Variants in ANKRD11 observed in about 807,000 individuals in gnomAD.
ANKRD11 encodes ankyrin repeat domain-containing protein 11.
ANKRD11 carries 17 observed loss-of-function variants against 195.7 expected under a neutral mutation model. The ratio of observed to expected loss-of-function variants is 0.09; its 90% CI spans 0.06 to 0.13. ANKRD11 has a LOEUF of 0.13. Ranked by LOEUF, ANKRD11 falls within the 10% of genes least tolerant of loss-of-function variation. The pLI, the probability that ANKRD11 is intolerant of heterozygous loss-of-function variation, is 1.00. For missense variants in ANKRD11, 3,735 were observed against 3,566.1 expected, an observed-to-expected ratio of 1.05 and a Z score of -1.21; for synonymous variants, 1,953 against 1,528.1, an observed-to-expected ratio of 1.28 and a Z score of -6.49.
At chr16:89,318,001 G>A (rs1019962977) in intron 2 of ANKRD11, among the ~76,000 whole-genome samples, 2 of 152,254 alleles carry the variant, frequency 1.3e-5, no homozygotes, top group East Asian at 1.9e-4. Context: ...AGAACTTTCC[G>A]AAGCAGCCAC....
intron 1 of ANKRD11, among the ~76,000 whole-genome samples, chr16:89,439,802 G>T (rs1402890964): frequency 6.6e-6 from 1 of 152,128 alleles, no homozygotes; most frequent in Non-Finnish European, 1.5e-5. Flanking sequence ...GAACTCTGTG[G>T]AACGTTTTCA....
Position 89,279,772 on chromosome 16 carries a change from C to A in ANKRD11, c.6770G>T (p.Gly2257Val). The A allele has an allele frequency of 3.3e-6, 5 of 1,529,410 alleles. No individual in the cohort carries two copies. The highest frequency in any genetic ancestry group is 4.4e-6 in the Non-Finnish European group (5 of 1,141,644). The allele number at this position is 1,529,410 out of a possible 1,614,324, so 94.7% of individuals were successfully genotyped here. Residue 2257 changes from glycine (G) to valine (V), a missense_variant, in exon 9 of 13, where the codon GGG becomes GTG. By Grantham distance (109) the Gly-to-Val change is moderately radical (BLOSUM62 -3). Coordinates refer to ENST00000301030, the MANE Select transcript of ANKRD11 (RefSeq NM_013275.6). The surrounding 1 kb of genome is among the most constrained non-coding windows in gnomAD (Gnocchi z 5.6). The part of the protein sequence containing the change: ...EQRPLGSGDQ[G>V]AEAEGPPAAS... ...GGCGGGGGGGCCTTCAGCCTCAGCC[C>A]CCTGGTCTCCGCTCCCCAGTGGGCG...
intron 2 of ANKRD11, among the ~76,000 whole-genome samples, chr16:89,322,683 T>C (rs1467008431): frequency 7.9e-6 from 1 of 126,342 alleles, no homozygotes; most frequent in Admixed American, 8.0e-5. Flanking sequence ...CTGGGGAGGG[T>C]GGGGAAGGGG....
intron 1 of ANKRD11, among the ~76,000 whole-genome samples, chr16:89,488,226 G>A (rs1419003436): frequency 2.0e-5 from 3 of 152,232 alleles, no homozygotes; most frequent in Non-Finnish European, 2.9e-5. Flanking sequence ...AACTTAAGAG[G>A]CATCACGAAG....
rs1225992502 is a variant in ANKRD11, at chr16:89,282,000, G to C, written c.4542C>G (p.Leu1514=). Residue 1514 remains leucine, a synonymous_variant, in exon 9 of 13, where the codon CTC becomes CTG. Coordinates refer to ENST00000301030, the MANE Select transcript of ANKRD11 (RefSeq NM_013275.6). This position sits in a 1 kb window ranked among gnomAD's most constrained non-coding sequence, Gnocchi z 5.5. ...TRDKDSPPRV[L]KDKSRDEGPR... is the part of the protein sequence containing the mutation. ...GGCCCTCGTCCCTGGACTTGTCTTT[G>C]AGCACGCGGGGCGGGCTGTCCTTGT... is the stretch of plus-strand genomic sequence containing the variant. The C allele has an allele frequency of 1.4e-5, 23 of 1,612,944 alleles. No homozygotes were observed. The highest frequency in any genetic ancestry group is 1.9e-5 in the Non-Finnish European group (22 of 1,180,014).
At chr16:89,380,952 C>T (rs956345222) in intron 2 of ANKRD11, among the ~76,000 whole-genome samples, 4 of 152,162 alleles carry the variant, frequency 2.6e-5, no homozygotes, top group African/African-American at 9.7e-5. Context: ...CCAGTGTGGG[C>T]CCACTCTGCT....
rs553679972 is a variant in ANKRD11, at chr16:89,291,809, C to T, written c.227-626G>A. 4 of 1,279,336 alleles carry T rather than the reference C, an allele frequency of 3.1e-6. No homozygotes were observed. In the East Asian group the frequency reaches 1.7e-4, roughly 53 times the overall value. 79.2% of individuals were successfully genotyped at this position (1,279,336 alleles called of 1,614,324 possible). ...GCATCAACACAGAGCACTAACAAGA[C>T]ACGGTGTGAGAGCTCGGCTGTTTCC... On this transcript the variant is annotated intron_variant, in intron 4 of 12. Transcript: ENST00000301030. This position sits in a 1 kb window ranked among gnomAD's most constrained non-coding sequence, Gnocchi z 5.3.
At chr16:89,324,233 C>G (rs1567647248) in intron 2 of ANKRD11, 11 of 1,201,920 alleles carry the variant, frequency 9.2e-6, no homozygotes. Flanking sequence ...CTTTGCCCCT[C>G]AGACACATGC....
chr16:89,416,926 C>G (rs1310575014), intron 2 of ANKRD11, among the ~76,000 whole-genome samples: 1 of 152,110 alleles, frequency 6.6e-6, no homozygotes, highest in Non-Finnish European at 1.5e-5. Flanking sequence ...TACCTGGCCC[C>G]TCCATGGCAC....
chr16:89,469,707 G>A (rs2057005906), intron 1 of ANKRD11, among the ~76,000 whole-genome samples: 1 of 148,558 alleles, frequency 6.7e-6, no homozygotes. Context: ...GACCATCCTG[G>A]CTAACACGGT....
chr16:89,371,730 A>T (rs2040202744), intron 2 of ANKRD11, among the ~76,000 whole-genome samples: 1 of 151,976 alleles, frequency 6.6e-6, no homozygotes, highest in Non-Finnish European at 1.5e-5. Context: ...GTGGAGGGCG[A>T]TGCGGACTCC....
intron 2 of ANKRD11, among the ~76,000 whole-genome samples, chr16:89,337,680 T>C (rs2038444007): frequency 1.3e-5 from 2 of 152,168 alleles, no homozygotes; most frequent in Non-Finnish European, 2.9e-5. Context: ...GACCTCGGGA[T>C]CCACCCGCCT....
intron 2 of ANKRD11, among the ~76,000 whole-genome samples, chr16:89,344,012 C>T (rs577092044): frequency 2.0e-5 from 3 of 152,282 alleles, no homozygotes; most frequent in South Asian, 4.1e-4. Flanking sequence ...ACATAAATAT[C>T]GGTGCAGGCG....
At chr16:89,384,348 T>C (rs2040797227) in intron 2 of ANKRD11, among the ~76,000 whole-genome samples, 1 of 152,094 alleles carries the variant, frequency 6.6e-6, no homozygotes, top group Admixed American at 6.5e-5. Context: ...CCGTCCAACA[T>C]AGCGAAACCC....
At chr16:89,322,954 T>C (rs2037424767) in intron 2 of ANKRD11, 3 of 251,974 alleles carry the variant, frequency 1.2e-5, no homozygotes, top group Non-Finnish European at 2.4e-5. Flanking sequence ...AGCTATCCGC[T>C]CACTTGAGCC....
At chr16:89,356,331 GC>G (rs1043396373) in intron 2 of ANKRD11, among the ~76,000 whole-genome samples, 1 of 148,108 alleles carries the variant, frequency 6.8e-6, no homozygotes, top group Non-Finnish European at 1.5e-5. Context: ...TCGGTGGCAA[GC>G]CATCCGCTGA....
chr16:89,348,360 C>A (rs181480282), intron 2 of ANKRD11, among the ~76,000 whole-genome samples: 1 of 152,172 alleles, frequency 6.6e-6, no homozygotes. Context: ...ATAAACCCCG[C>A]TTGCTCATGA....
chr16:89,281,869 G>C lies in ANKRD11; in HGVS notation c.4673C>G (p.Ser1558Cys), dbSNP rs2034278408. 4.3e-6 allele frequency: 7 copies of C among 1,613,926 alleles called. No individual in the cohort carries two copies. The highest frequency in any genetic ancestry group is 5.9e-6 in the Non-Finnish European group (7 of 1,180,030). ...GGCGTCTTTCTTGCCTGGGTCTTTG[G>C]ATGGCGCTACCTTATCATTCCCGTT... ...MSNGNDKVAP[S>C]KDPGKKDARP... Residue 1558 changes from serine to cysteine, a missense_variant, in exon 9 of 13, where the codon TCC becomes TGC. Coordinates refer to ENST00000301030, the MANE Select transcript of ANKRD11 (RefSeq NM_013275.6). This position sits in a 1 kb window ranked among gnomAD's most constrained non-coding sequence, Gnocchi z 5.5.
intron 2 of ANKRD11, among the ~76,000 whole-genome samples, chr16:89,345,358 C>T (rs575229382): frequency 2.0e-5 from 3 of 151,848 alleles, no homozygotes; most frequent in African/African-American, 7.3e-5. Context: ...GCACCTGGTG[C>T]CCCATCTGGG....
Sources: gnomAD v4.1 joint callset for allele counts (sites outside exome capture counted in the v4.1 genomes callset) on GRCh38, gnomAD v4.1.1 for gene constraint, Gnocchi (gnomAD v3.1) non-coding constraint, MANE v1.5 for transcripts, NCBI Gene and HGNC (gene_info 2026-07-23, HGNC 2026-07-21) for gene names.